Variants in UST observed in about 807,000 individuals in gnomAD.
UST encodes the protein chondroitin sulfate 2-O-sulfotransferase.
In UST, 21 loss-of-function variants were observed where a neutral mutation model predicts 45.6. The ratio of observed to expected loss-of-function variants is 0.46; its 90% confidence interval spans 0.33 to 0.66. The LOEUF (loss-of-function observed/expected upper bound fraction) is 0.66. Among genes scored for constraint, UST ranks in the 30% least tolerant of loss-of-function variants. The pLI is 0.02. For synonymous variants in UST, 215 were observed against 200.6 expected, an observed-to-expected ratio of 1.07 and a Z score of -0.61; for missense variants, 463 against 512.4, an observed-to-expected ratio of 0.90 and a Z score of 0.93.
At chr6:149,028,239 T>C (rs1027435886) in intron 7 of UST, among the ~76,000 whole-genome samples, 1 of 152,216 alleles carries the variant, frequency 6.6e-6, no homozygotes, top group Non-Finnish European at 1.5e-5. Flanking sequence ...AGGCAAGGTA[T>C]AGCCCCTCTA....
At chr6:148,967,987 A>T (rs990086857) in intron 5 of UST, among the ~76,000 whole-genome samples, 1 of 152,164 alleles carries the variant, frequency 6.6e-6, no homozygotes, top group Non-Finnish European at 1.5e-5. Flanking sequence ...AGGAACCCCA[A>T]AGAGGATGAG....
At chr6:148,767,320 C>T (rs553258171) in intron 1 of UST, among the ~76,000 whole-genome samples, 4 of 152,168 alleles carry the variant, frequency 2.6e-5, no homozygotes, top group Non-Finnish European at 5.9e-5. Context: ...GAATCACACC[C>T]TTGTATGATT....
At chr6:148,948,958 T>C (rs1176727343) in intron 3 of UST, among the ~76,000 whole-genome samples, 1 of 152,144 alleles carries the variant, frequency 6.6e-6, no homozygotes, top group Non-Finnish European at 1.5e-5. Flanking sequence ...ATGCAGCCTT[T>C]TGTGCCTCAG....
At chr6:148,968,650 G>A (rs1780854331) in intron 5 of UST, among the ~76,000 whole-genome samples, 4 of 152,250 alleles carry the variant, frequency 2.6e-5, no homozygotes, top group Admixed American at 2.6e-4. Context: ...CTAATGAAGA[G>A]CAACTGTTGT....
intron 2 of UST, among the ~76,000 whole-genome samples, chr6:148,908,615 A>G (rs754355633): frequency 2.0e-5 from 3 of 152,166 alleles, no homozygotes; most frequent in Non-Finnish European, 4.4e-5. Context: ...TGTTAAACGA[A>G]TTTAGATTTA....
intron 1 of UST, among the ~76,000 whole-genome samples, chr6:148,877,596 GTGTATGAGTGGGT>G (rs1778703391): frequency 8.4e-6 from 1 of 119,378 alleles, no homozygotes; most frequent in Non-Finnish European, 1.7e-5. Flanking sequence ...GCGAGGGGTC[GTGTATGAGTGGGT>G]CGTGTATGAG....
At chr6:149,029,559 G>T (rs984694718) in intron 7 of UST, among the ~76,000 whole-genome samples, 9 of 149,394 alleles carry the variant, frequency 6.0e-5, no homozygotes, top group African/African-American at 2.2e-4. Flanking sequence ...ATTTTAGAAA[G>T]CCTGAATTAA....
At chr6:149,000,459 A>G (rs1340904043) in intron 5 of UST, among the ~76,000 whole-genome samples, 1 of 152,216 alleles carries the variant, frequency 6.6e-6, no homozygotes, top group East Asian at 1.9e-4. Context: ...AGGAAGAAAG[A>G]GAGACAGGGA....
Position 149,041,752 on chromosome 6 carries a change from C to T in UST, c.937+20271C>T, listed in dbSNP as rs991944091. Among the ~76,000 whole-genome samples, 37 of 152,338 alleles carry T rather than the reference C, an allele frequency of 2.4e-4. 1 individual carries two copies. The highest frequency in any genetic ancestry group is 2.4e-3 in the Admixed American group (36 of 15,300). On this transcript the variant is annotated intron_variant, in intron 7 of 7. Transcript: ENST00000367463. ...TCTTCCTGGACAGATTCCCCCGCTACATGCCTGCCTCCAGGCCTCCATTCC... is the reference window on the plus strand; with the variant it reads ...TCTTCCTGGACAGATTCCCCCGCTATATGCCTGCCTCCAGGCCTCCATTCC...
chr6:148,769,329 C>T (rs189024179), intron 1 of UST, among the ~76,000 whole-genome samples: 3 of 152,266 alleles, frequency 2.0e-5, no homozygotes, highest in South Asian at 4.1e-4. Context: ...TAAAGGCCAA[C>T]AAGATGGACC....
intron 1 of UST, among the ~76,000 whole-genome samples, chr6:148,878,105 A>T (rs1263652844): frequency 5.1e-5 from 2 of 38,900 alleles, no homozygotes; most frequent in African/African-American, 2.2e-4. Flanking sequence ...TGTACGAGTG[A>T]GGAGATCATG....
At chr6:148,767,318 C>T (rs1562561600) in intron 1 of UST, among the ~76,000 whole-genome samples, 1 of 152,162 alleles carries the variant, frequency 6.6e-6, no homozygotes, top group Non-Finnish European at 1.5e-5. Flanking sequence ...GAGAATCACA[C>T]CCTTGTATGA....
intron 1 of UST, among the ~76,000 whole-genome samples, chr6:148,782,436 T>TGAAC (rs1776659904): frequency 6.6e-6 from 1 of 151,328 alleles, no homozygotes; most frequent in South Asian, 2.1e-4. Flanking sequence ...CTTGAACAGA[T>TGAAC]GAACAGATGA....
rs139219836 is a variant in UST, at chr6:148,960,443, T to C, written c.528-3967T>C. ...GTCAAAGCCCTGGGCCTCTGGCCTA[T>C]GGTACTTTTCACCCTTTAATGTAGA... is the stretch of plus-strand genomic sequence containing the variant. On this transcript the variant is annotated intron_variant, in intron 4 of 7. Transcript: ENST00000367463. 2.6e-5 allele frequency among the ~76,000 whole-genome samples: 4 copies of C among 152,282 alleles called. No individual in the cohort carries two copies. In the East Asian group the frequency reaches 7.7e-4, roughly 29 times the overall value.
chr6:148,950,969 A>C (rs1780352166), intron 3 of UST, among the ~76,000 whole-genome samples: 1 of 152,252 alleles, frequency 6.6e-6, no homozygotes, highest in South Asian at 2.1e-4. Flanking sequence ...CAGAAAGGCT[A>C]CTTGGAGGGG....
At chr6:149,047,668 A>T (rs781615717) in intron 7 of UST, among the ~76,000 whole-genome samples, 2 of 152,214 alleles carry the variant, frequency 1.3e-5, no homozygotes, top group Admixed American at 6.5e-5. Context: ...TACTTTGGGA[A>T]CAACAACAAC....
intron 1 of UST, among the ~76,000 whole-genome samples, chr6:148,778,876 C>G (rs996186868): frequency 2.6e-5 from 4 of 152,164 alleles, no homozygotes; most frequent in African/African-American, 9.7e-5. Flanking sequence ...GCCCACCCCC[C>G]TCCATCCCAT....
chr6:148,842,375 C>T (rs1054237817), intron 1 of UST, among the ~76,000 whole-genome samples: 3 of 152,162 alleles, frequency 2.0e-5, no homozygotes, highest in South Asian at 2.1e-4. Context: ...TTATATGTAA[C>T]TGTCTTACAC....
At chr6:149,001,399 A>T (rs959481698) in intron 5 of UST, among the ~76,000 whole-genome samples, 1 of 152,240 alleles carries the variant, frequency 6.6e-6, no homozygotes, top group Admixed American at 6.5e-5. Context: ...TACTAAAAGT[A>T]CACTGGGAGT....
Sources: gnomAD v4.1 joint callset for allele counts (sites outside exome capture counted in the v4.1 genomes callset) on GRCh38, gnomAD v4.1.1 for gene constraint, MANE v1.5 for transcripts, NCBI Gene and HGNC (gene_info 2026-07-23, HGNC 2026-07-21) for gene names.